COQ3: variants seen among roughly 807,000 people sequenced by gnomAD.
COQ3 encodes the protein ubiquinone biosynthesis O-methyltransferase, mitochondrial.
A neutral mutation model predicts 33.1 loss-of-function variants in COQ3; 29 were observed. That is an observed-to-expected ratio of 0.88 (90% CI 0.65 to 1.19). The LOEUF (loss-of-function observed/expected upper bound fraction) is 1.19, where lower values mean the gene tolerates loss of function less well. Among genes scored for constraint, COQ3 ranks in the 50% most tolerant of loss-of-function variants. The pLI, the probability that COQ3 is intolerant of heterozygous loss-of-function variation, is 0.00. For missense variants in COQ3, 437 were observed against 430.7 expected (o/e 1.01, Z -0.13); for synonymous variants, 173 against 157.8 (o/e 1.10, Z -0.72).
intron 2 of COQ3, among the ~76,000 whole-genome samples, chr6:99,381,557 C>T (rs933934326): frequency 2.0e-5 from 3 of 152,194 alleles, no homozygotes; most frequent in Non-Finnish European, 4.4e-5. Context: ...CACATCCTTC[C>T]TTTCCTTTCC....
Position 99,377,646 on chromosome 6 carries a change from C to T in COQ3, c.387-161G>A, listed in dbSNP as rs540721009. Among the ~76,000 whole-genome samples, 21 of 152,046 alleles carry T rather than the reference C, an allele frequency of 1.4e-4. 1 individual carries two copies. The South Asian group carries it at 4.4e-3, about 32-fold the overall frequency. ...CAACATTGACATTTAATTTATAAAA[C>T]ATTTTCAATAATCAAAAGCAGGATG... On this transcript the variant is annotated intron_variant, in intron 3 of 6. Transcript: ENST00000254759.
intron 5 of COQ3, among the ~76,000 whole-genome samples, chr6:99,373,426 GTC>G (rs1452658221): frequency 6.8e-6 from 1 of 147,196 alleles, no homozygotes; most frequent in African/African-American, 2.5e-5. Context: ...GGAAGATCCT[GTC>G]TCTGAAAAAA....
chr6:99,376,677 T>G (rs1024781293), intron 4 of COQ3, among the ~76,000 whole-genome samples: 1 of 152,172 alleles, frequency 6.6e-6, no homozygotes, highest in African/African-American at 2.4e-5. Context: ...CCCAAGTTTT[T>G]AAACACAGGT....
chr6:99,388,785 T>G (rs753557548), intron 1 of COQ3, among the ~76,000 whole-genome samples: 2 of 151,620 alleles, frequency 1.3e-5, no homozygotes, highest in African/African-American at 4.9e-5. Context: ...GAGGCAGAGG[T>G]TGCAGTGAGC....
rs778713345 is a variant in COQ3, at chr6:99,394,087, T to G, written c.93A>C (p.Leu31Phe). 37 of 1,613,582 alleles carry G rather than the reference T, an allele frequency of 2.3e-5. No individual in the cohort carries two copies. The highest frequency in any genetic ancestry group is 1.6e-4 in the Middle Eastern group (1 of 6,084). Residue 31 changes from leucine (L) to phenylalanine (F), a missense_variant, in exon 1 of 7, where the codon TTA (leucine) becomes TTC (phenylalanine). Physicochemically the swap from Leu to Phe is conservative, Grantham distance 22. Coordinates refer to ENST00000254759, the MANE Select transcript of COQ3 (RefSeq NM_017421.4). The part of the protein sequence containing the change: ...GGCNTKAARP[L>F]ISSAVYVKNQ... The stretch of plus-strand genomic sequence containing the variant: ...ACACACACTCACCCGCCGAGGAAAT[T>G]AAGGGACGCGCAGCTTTTGTATTAC...
chr6:99,377,022 GTA>G (rs1326374224), intron 4 of COQ3, among the ~76,000 whole-genome samples: 3 of 136,962 alleles, frequency 2.2e-5, no homozygotes, highest in African/African-American at 5.3e-5. Context: ...GTGTGTGTGT[GTA>G]TGTGTGACAG....
chr6:99,383,682 G>C lies in COQ3; in HGVS notation c.233+16C>G. The C allele has an allele frequency of 6.4e-7, 1 of 1,551,294 alleles. No individual in the cohort carries two copies. Among genetic ancestry groups the C allele is most frequent in the Non-Finnish European group, 8.7e-7 (1 of 1,153,086 alleles). On this transcript the variant is annotated intron_variant, in intron 2 of 6. Transcript: ENST00000254759. ...TATAATTACGTGAATATTTGCCACA[G>C]TAATAATAAACCCACCTGAAACTCT...
intron 1 of COQ3, among the ~76,000 whole-genome samples, chr6:99,392,044 C>T (rs910342703): frequency 6.6e-6 from 1 of 152,028 alleles, no homozygotes; most frequent in Non-Finnish European, 1.5e-5. Flanking sequence ...AAAAACCACT[C>T]TACCACCTTA....
rs116322573 is a variant in COQ3, at chr6:99,370,022, G to A, written c.890-202C>T. 3.7e-3 allele frequency among the ~76,000 whole-genome samples: 564 copies of A among 152,250 alleles called. 7 individuals carry two copies. Among genetic ancestry groups the A allele is most frequent in the African/African-American group, 0.013 (545 of 41,536 alleles). On this transcript the variant is annotated intron_variant, in intron 6 of 6. Transcript: ENST00000254759. ...AATCACAATTTACTGCAGAACTTCAGTAAGTCGCAATTAGGACACATACTC... is the reference window on the plus strand; with the variant it reads ...AATCACAATTTACTGCAGAACTTCAATAAGTCGCAATTAGGACACATACTC...
At chr6:99,372,442 C>T (rs1414717410) in intron 5 of COQ3, among the ~76,000 whole-genome samples, 2 of 152,074 alleles carry the variant, frequency 1.3e-5, no homozygotes, top group East Asian at 3.9e-4. Context: ...CTTTGAGACA[C>T]AGTCTTGCTC....
intron 2 of COQ3, among the ~76,000 whole-genome samples, chr6:99,382,662 C>T (rs1774505738): frequency 6.6e-6 from 1 of 152,116 alleles, no homozygotes; most frequent in African/African-American, 2.4e-5. Context: ...ACTTAGAAAA[C>T]AGAGTTCAAG....
Position 99,383,768 on chromosome 6 carries a change from C to A in COQ3, c.163G>T (p.Glu55Ter), listed in dbSNP as rs1774539099. 5.0e-6 allele frequency: 8 copies of A among 1,600,324 alleles called. No individual in the cohort carries two copies. The highest frequency in any genetic ancestry group is 6.0e-6 in the Non-Finnish European group (7 of 1,173,476). ...GATTTGAACCATATGGTTCTGTATT[C>A]ATTGAAAACCCCTGGTTTAATCTGT... Reference protein sequence around the residue: ...TLQIKPGVFNEYRTIWFKSYR... With the variant: ...TLQIKPGVFN Residue 55 changes from glutamate (E) to a stop codon, truncating the protein, a stop_gained, in exon 2 of 7, where the codon GAA becomes TAA. Transcript: ENST00000254759. LOFTEE classifies it high-confidence loss of function.
intron 1 of COQ3, 43 bp downstream of exon 1, chr6:99,394,031 T>G (rs9389317): frequency 0.5 from 760,114 of 1,523,940 alleles, 193,203 homozygotes; most frequent in East Asian, 0.75. Context: ...ACGCCAGCGC[T>G]CGCAATTGAC....
chr6:99,389,597 T>A (rs1278554301), intron 1 of COQ3, among the ~76,000 whole-genome samples: 1 of 152,194 alleles, frequency 6.6e-6, no homozygotes, highest in Non-Finnish European at 1.5e-5. Context: ...TATGTAAGAT[T>A]CCAGAGGCAT....
In COQ3 at chr6:99,379,188, G is replaced by C. The variant is rs543240049; in HGVS notation, c.386+1001C>G. Among the ~76,000 whole-genome samples the C allele has an allele frequency of 4.6e-5, 7 of 152,008 alleles. No homozygotes were observed. In the South Asian group the frequency reaches 1.0e-3, roughly 23 times the overall value. The stretch of plus-strand genomic sequence containing the variant: ...CCCTCATACTAAATCTTAATGGTTG[G>C]AGCCTTTCAGAAATTACTTACCTAG... On this transcript the variant is annotated intron_variant, in intron 3 of 6. Coordinates refer to ENST00000254759, the MANE Select transcript of COQ3 (RefSeq NM_017421.4).
chr6:99,369,865 T>G, intron 6 of COQ3, 45 bp from the exon 7 acceptor site: 1 of 1,306,640 alleles, frequency 7.7e-7, no homozygotes, highest in Non-Finnish European at 1.1e-6. Flanking sequence ...ATAAATATTT[T>G]CCTTCCAATT....
chr6:99,387,603 A>G (rs1300296716), intron 1 of COQ3, among the ~76,000 whole-genome samples: 2 of 152,248 alleles, frequency 1.3e-5, no homozygotes, highest in Non-Finnish European at 2.9e-5. Flanking sequence ...ATCTTACAAA[A>G]CAGCTATAAA....
At chr6:99,393,645 A>G (rs1774888860) in intron 1 of COQ3, among the ~76,000 whole-genome samples, 1 of 152,272 alleles carries the variant, frequency 6.6e-6, no homozygotes, top group South Asian at 2.1e-4. Flanking sequence ...AAAAAGTAAT[A>G]CAGCTGCCTT....
At chr6:99,388,704 C>G (rs756193059) in intron 1 of COQ3, among the ~76,000 whole-genome samples, 2 of 151,864 alleles carry the variant, frequency 1.3e-5, no homozygotes, top group Non-Finnish European at 2.9e-5. Context: ...AAAAATTAGC[C>G]AGGTGTGGTG....
Sources: allele counts gnomAD v4.1 joint callset (sites outside exome capture counted in the v4.1 genomes callset), GRCh38; gene constraint gnomAD v4.1.1; transcripts MANE v1.5; gene names NCBI Gene and HGNC (gene_info 2026-07-23, HGNC 2026-07-21).